The following GNB1L variants were observed in gnomAD, a reference collection of about 807,000 sequenced individuals.
GNB1L encodes guanine nucleotide-binding protein subunit beta-like protein 1.
A neutral mutation model predicts 29.1 loss-of-function variants in GNB1L; 20 were observed. The ratio of observed to expected loss-of-function variants is 0.69; its 90% confidence interval spans 0.48 to 1.00. The LOEUF is 1.00. GNB1L is among the 50% of genes least tolerant of loss of function. The probability of loss-of-function intolerance (pLI) is 0.00; values close to 1 mark genes in which losing one functional copy is unlikely to be tolerated. For missense variants in GNB1L, 421 were observed against 464.9 expected (o/e 0.91, Z 0.87); for synonymous variants, 193 against 206.5 (o/e 0.93, Z 0.56).
At position 19,818,085 on chromosome 22, in the gene GNB1L, C is replaced by A. The variant is rs557060537; in HGVS notation, c.254+2513G>T. ...GCGGCCCACAGGCTCTAGTACAGTGCAGACGCACCTGGCACTCCACACCTG... is the reference window on the plus strand; with the variant it reads ...GCGGCCCACAGGCTCTAGTACAGTGAAGACGCACCTGGCACTCCACACCTG... On this transcript the variant is annotated intron_variant, in intron 4 of 7. Transcript: ENST00000329517. 2.0e-5 allele frequency among the ~76,000 whole-genome samples: 3 copies of A among 152,368 alleles called. No homozygotes were observed. The South Asian group carries it at 6.2e-4, about 32-fold the overall frequency.
At chr22:19,793,193 C>CA (rs1937271072) in intron 7 of GNB1L, 2 of 735,930 alleles carry the variant, frequency 2.7e-6, no homozygotes, top group Non-Finnish European at 4.4e-6. Flanking sequence ...AATAATTACC[C>CA]AAAAAATTGT....
At chr22:19,852,972 C>T (rs980986194) in intron 2 of GNB1L, among the ~76,000 whole-genome samples, 3 of 152,184 alleles carry the variant, frequency 2.0e-5, no homozygotes, top group African/African-American at 7.2e-5. Flanking sequence ...TAGGCTCTAG[C>T]CGCCCCAAAA....
intron 2 of GNB1L, chr22:19,851,341 A>G (rs368485950): frequency 9.3e-6 from 15 of 1,613,992 alleles, no homozygotes; most frequent in Non-Finnish European, 1.2e-5. Flanking sequence ...CAGGAGGATT[A>G]GCTGACTCCG....
intron 2 of GNB1L, chr22:19,850,300 A>T: frequency 1.0e-6 from 1 of 981,416 alleles, no homozygotes; most frequent in African/African-American, 1.7e-5. Flanking sequence ...TGACTAAGAC[A>T]GAGCCCCTGT....
Position 19,786,517 on chromosome 22 carries a change from T to C in GNB1L, c.*2192A>G, listed in dbSNP as rs904873432. On this transcript the variant is annotated 3_prime_UTR_variant, in exon 8 of 8. Transcript: ENST00000329517. ...GCCCTCATGTGGGATACCCACCTCGTGGCTGTGGGACGTAGGGAGTTTTGT... is the reference window on the plus strand; with the variant it reads ...GCCCTCATGTGGGATACCCACCTCGCGGCTGTGGGACGTAGGGAGTTTTGT... 4 of 152,346 alleles carry C rather than the reference T, an allele frequency of 2.6e-5. No homozygotes were observed. The highest frequency in any genetic ancestry group is 6.5e-5 in the Admixed American group (1 of 15,290). The allele number at this position is 152,346 out of a possible 1,614,324, so 9.4% of individuals were successfully genotyped here. A position where few individuals can be genotyped will look rare whatever the true frequency, so the allele number is the denominator to read the frequency against.
chr22:19,821,101 C>T (rs764831928), intron 3 of GNB1L, 127 bp downstream of exon 3: 1 of 916,676 alleles, frequency 1.1e-6, no homozygotes, highest in Non-Finnish European at 1.7e-6. Flanking sequence ...GAAAGCTCAG[C>T]AAGCCTGGGT....
chr22:19,823,245 G>C (rs890814552), intron 2 of GNB1L, among the ~76,000 whole-genome samples: 15 of 152,164 alleles, frequency 9.9e-5, no homozygotes, highest in African/African-American at 3.6e-4. Flanking sequence ...CTCACCTTTG[G>C]CTGAAAGCCA....
chr22:19,839,893 C>CAATAAT (rs202133155), intron 2 of GNB1L, among the ~76,000 whole-genome samples: 48 of 148,812 alleles, frequency 3.2e-4, no homozygotes, highest in East Asian at 1.6e-3. Flanking sequence ...ATAATAATAA[C>CAATAAT]AATAATAATA....
At chr22:19,834,257 C>T (rs1012416395) in intron 2 of GNB1L, among the ~76,000 whole-genome samples, 4 of 152,042 alleles carry the variant, frequency 2.6e-5, no homozygotes, top group African/African-American at 9.7e-5. Flanking sequence ...AAGGGTGGAA[C>T]ATCTTTGTTA....
intron 2 of GNB1L, among the ~76,000 whole-genome samples, chr22:19,831,612 A>G (rs1937681608): frequency 6.6e-6 from 1 of 151,124 alleles, no homozygotes; most frequent in South Asian, 2.1e-4. Context: ...AATGGCGTGA[A>G]CCCGGGAGGC....
At chr22:19,796,845 G>C (rs1175876689) in intron 7 of GNB1L, among the ~76,000 whole-genome samples, 1 of 152,164 alleles carries the variant, frequency 6.6e-6, no homozygotes, top group African/African-American at 2.4e-5. Flanking sequence ...ATGGGATGGA[G>C]GGAGAGCATG....
At chr22:19,842,094 C>T (rs376971317) in intron 2 of GNB1L, among the ~76,000 whole-genome samples, 1 of 152,226 alleles carries the variant, frequency 6.6e-6, no homozygotes, top group Non-Finnish European at 1.5e-5. Flanking sequence ...CCTGGACAGG[C>T]CTGTCCTGAG....
chr22:19,800,478 T>C (rs1339695408), intron 7 of GNB1L, among the ~76,000 whole-genome samples: 1 of 151,398 alleles, frequency 6.6e-6, no homozygotes, highest in Non-Finnish European at 1.5e-5. Context: ...AGGGAGGGAG[T>C]GCAAGGGAGA....
intron 2 of GNB1L, among the ~76,000 whole-genome samples, chr22:19,828,286 T>G (rs1463522030): frequency 6.6e-6 from 1 of 152,116 alleles, no homozygotes; most frequent in African/African-American, 2.4e-5. Flanking sequence ...GCAGACAAAG[T>G]TGAATTCCAG....
chr22:19,854,772 G>C (rs1047244724), intron 1 of GNB1L, 48 bp downstream of exon 1: 8 of 152,314 alleles, frequency 5.3e-5, no homozygotes, highest in African/African-American at 1.9e-4. Flanking sequence ...CCAGGCCCGC[G>C]TGCACGGAGT....
At chr22:19,799,853 C>T (rs1937349543) in intron 7 of GNB1L, among the ~76,000 whole-genome samples, 1 of 152,220 alleles carries the variant, frequency 6.6e-6, no homozygotes. Flanking sequence ...TTTACAGAAC[C>T]TGCAATCTCC....
At chr22:19,825,062 C>A (rs1882631841) in intron 2 of GNB1L, among the ~76,000 whole-genome samples, 1 of 152,256 alleles carries the variant, frequency 6.6e-6, no homozygotes, top group African/African-American at 2.4e-5. Context: ...ACCACCCCTG[C>A]CCACCCCAGC....
chr22:19,852,875 G>A (rs1433466725), intron 2 of GNB1L, among the ~76,000 whole-genome samples: 3 of 152,128 alleles, frequency 2.0e-5, no homozygotes, highest in South Asian at 4.1e-4. Context: ...TAACCCATAA[G>A]TGGTGGAAGC....
At chr22:19,850,944 GAGCC>G in intron 2 of GNB1L, 1 of 1,374,960 alleles carries the variant, frequency 7.3e-7, no homozygotes, top group Non-Finnish European at 9.4e-7. Flanking sequence ...ATGCAGCAGA[GAGCC>G]AGCAGCAGGG....
Sources: allele counts gnomAD v4.1 joint callset (sites outside exome capture counted in the v4.1 genomes callset), GRCh38; gene constraint gnomAD v4.1.1; transcripts MANE v1.5; gene names NCBI Gene and HGNC (gene_info 2026-07-23, HGNC 2026-07-21).